The following MBNL2 variants were observed in gnomAD, a reference collection of about 807,000 sequenced individuals.
MBNL2 encodes muscleblind like splicing regulator 2.
MBNL2 carries 17 observed loss-of-function variants against 41.9 expected under a neutral mutation model. The observed-to-expected ratio is 0.41, with a 90% confidence interval of 0.28 to 0.61. The LOEUF is 0.61. MBNL2 is among the 20% of genes least tolerant of loss of function. The probability of loss-of-function intolerance (pLI) is 0.35; values close to 1 mark genes in which losing one functional copy is unlikely to be tolerated. For synonymous variants in MBNL2, 195 were observed against 182.9 expected (o/e 1.07, Z -0.53); for missense variants, 336 against 505.6 (o/e 0.66, Z 3.22).
the MBNL2 span, among the ~76,000 whole-genome samples, chr13:97,143,096 C>G: frequency 6.6e-6 from 1 of 152,094 alleles, no homozygotes; most frequent in African/African-American, 2.4e-5. Flanking sequence ...AGTGTTGTGG[C>G]TCCCTGCTAT....
intron 8 of MBNL2, among the ~76,000 whole-genome samples, chr13:97,372,443 G>A (rs2064476398): frequency 6.6e-6 from 1 of 152,038 alleles, no homozygotes; most frequent in South Asian, 2.1e-4. Flanking sequence ...CTCCTCCAAA[G>A]ATTAAGTACA....
intron 1 of MBNL2, among the ~76,000 whole-genome samples, chr13:97,232,257 C>T (rs2042489236): frequency 6.6e-6 from 1 of 152,066 alleles, no homozygotes; most frequent in Non-Finnish European, 1.5e-5. Context: ...CACATGTGGC[C>T]CCCTCTTTCC....
chr13:97,310,954 T>A (rs2058552502), intron 2 of MBNL2, among the ~76,000 whole-genome samples: 1 of 152,090 alleles, frequency 6.6e-6, no homozygotes, highest in African/African-American at 2.4e-5. Flanking sequence ...CTGATAAAAA[T>A]CAATGTAATA....
intron 2 of MBNL2, among the ~76,000 whole-genome samples, chr13:97,290,831 T>C (rs915409111): frequency 3.3e-5 from 5 of 151,924 alleles, no homozygotes; most frequent in African/African-American, 7.3e-5. Flanking sequence ...GCAGAAAGGG[T>C]GGCTTGTGAT....
the MBNL2 span, among the ~76,000 whole-genome samples, chr13:97,205,986 G>A: frequency 6.6e-6 from 1 of 152,142 alleles, no homozygotes; most frequent in Non-Finnish European, 1.5e-5. Context: ...ACCTCATCAG[G>A]AAAGTACTAA....
intron 1 of MBNL2, among the ~76,000 whole-genome samples, chr13:97,259,769 G>A (rs752356957): frequency 1.3e-5 from 2 of 152,148 alleles, no homozygotes; most frequent in Admixed American, 6.5e-5. Context: ...GAGTCCTAGC[G>A]TGCTGAAATA....
chr13:97,285,734 C>T (rs2054293379), intron 2 of MBNL2, among the ~76,000 whole-genome samples: 1 of 151,196 alleles, frequency 6.6e-6, no homozygotes, highest in Non-Finnish European at 1.5e-5. Context: ...TTTCTTCCAT[C>T]AATAGAGATC....
the MBNL2 span, among the ~76,000 whole-genome samples, chr13:97,151,063 C>G: frequency 6.6e-6 from 1 of 152,136 alleles, no homozygotes; most frequent in African/African-American, 2.4e-5. Context: ...AAACCCTCAA[C>G]AAAGAGGAGC....
chr13:97,359,585 T>C (rs978677611), intron 7 of MBNL2, among the ~76,000 whole-genome samples: 3 of 152,096 alleles, frequency 2.0e-5, no homozygotes, highest in African/African-American at 7.3e-5. Context: ...TGATTTTTGT[T>C]GATGAAATGT....
chr13:97,357,297 T>C (rs1431782191), intron 6 of MBNL2, among the ~76,000 whole-genome samples, 185 bp from the exon 7 acceptor site: 1 of 152,212 alleles, frequency 6.6e-6, no homozygotes, highest in African/African-American at 2.4e-5. Flanking sequence ...ACAGAAATCA[T>C]GCTTTCGCTC....
chr13:97,369,924 G>A (rs966864836), intron 8 of MBNL2, among the ~76,000 whole-genome samples: 6 of 152,070 alleles, frequency 3.9e-5, no homozygotes, highest in Non-Finnish European at 5.9e-5. Context: ...TTCAGTTAAG[G>A]TATTTGGGCC....
At chr13:97,306,047 C>A (rs924080580) in intron 2 of MBNL2, among the ~76,000 whole-genome samples, 1 of 152,208 alleles carries the variant, frequency 6.6e-6, no homozygotes, top group Admixed American at 6.5e-5. Context: ...GCAGCTTCCA[C>A]TGCTAGTCTG....
intron 8 of MBNL2, among the ~76,000 whole-genome samples, chr13:97,383,750 T>G (rs1186271369): frequency 6.6e-6 from 1 of 152,194 alleles, no homozygotes; most frequent in African/African-American, 2.4e-5. Context: ...TGTATGCCTT[T>G]TCTGTGCAAA....
the MBNL2 span, among the ~76,000 whole-genome samples, chr13:97,207,767 A>G: frequency 6.6e-6 from 1 of 152,310 alleles, no homozygotes; most frequent in Admixed American, 6.5e-5. Flanking sequence ...ATTAACTCAA[A>G]AGTCCACAGT....
At chr13:97,308,090 T>A (rs553768855) in intron 2 of MBNL2, among the ~76,000 whole-genome samples, 2 of 152,346 alleles carry the variant, frequency 1.3e-5, no homozygotes, top group South Asian at 4.1e-4. Flanking sequence ...CTTGTATCAC[T>A]CATTAAAATG....
chr13:97,163,905 C>A, the MBNL2 span, among the ~76,000 whole-genome samples: 15,528 of 152,254 alleles, frequency 0.1, 893 homozygotes, highest in South Asian at 0.16. Flanking sequence ...ACAAGCCAAG[C>A]AATGCCTGGG....
At chr13:97,336,394 G>A (rs1159505670) in intron 3 of MBNL2, among the ~76,000 whole-genome samples, 3 of 152,124 alleles carry the variant, frequency 2.0e-5, no homozygotes, top group Admixed American at 2.0e-4. Context: ...ACCTATAAAT[G>A]TCACCTTATA....
the MBNL2 span, among the ~76,000 whole-genome samples, chr13:97,199,813 G>A: frequency 1.3e-5 from 2 of 152,200 alleles, no homozygotes; most frequent in Non-Finnish European, 2.9e-5. Flanking sequence ...TTATCTTATA[G>A]GGTTGTTGTA....
chr13:97,368,707 TGTGTGTGTGTGTGTGTGTGTTC>T (rs2064090730), intron 8 of MBNL2, among the ~76,000 whole-genome samples: 2 of 151,386 alleles, frequency 1.3e-5, no homozygotes, highest in South Asian at 4.2e-4. Context: ...AGTTTGTGTG[TGTGTGTGTGTGTGTGTGTGTTC>T]GTGTCTGTGT....
Sources: allele counts gnomAD v4.1 joint callset (sites outside exome capture counted in the v4.1 genomes callset), GRCh38; gene constraint gnomAD v4.1.1; transcripts MANE v1.5; gene names NCBI Gene and HGNC (gene_info 2026-07-23, HGNC 2026-07-21).